Variants in BCAP29 observed in about 807,000 individuals in gnomAD.
BCAP29 encodes the protein B cell receptor associated protein 29.
A neutral mutation model predicts 31.8 loss-of-function variants in BCAP29; 34 were observed. That is an observed-to-expected ratio of 1.07 (90% CI 0.81 to 1.42). The LOEUF is 1.42. Ranked by LOEUF, BCAP29 falls within the 40% of genes most tolerant of loss-of-function variation. The pLI is 0.00. For synonymous variants in BCAP29, 104 were observed against 91.3 expected, an observed-to-expected ratio of 1.14 and a Z score of -0.79; for missense variants, 314 against 269.2, an observed-to-expected ratio of 1.17 and a Z score of -1.16.
intron 6 of BCAP29, among the ~76,000 whole-genome samples, chr7:107,612,391 T>TTTTTTATA (rs1430473654): frequency 9.7e-5 from 3 of 30,876 alleles, no homozygotes; most frequent in African/African-American, 3.8e-4. Flanking sequence ...ATGTATTGTT[T>TTTTTTATA]TATATATATA....
At chr7:107,588,976 G>A (rs1199097970) in intron 3 of BCAP29, among the ~76,000 whole-genome samples, 1 of 152,184 alleles carries the variant, frequency 6.6e-6, no homozygotes, top group Non-Finnish European at 1.5e-5. Context: ...GCCTCATCAC[G>A]TTAGAGGGGC....
intron 3 of BCAP29, among the ~76,000 whole-genome samples, chr7:107,592,631 G>A (rs1166488768): frequency 1.3e-5 from 2 of 152,168 alleles, no homozygotes; most frequent in African/African-American, 2.4e-5. Context: ...ACTTGCACAT[G>A]AATGTTCGTA....
chr7:107,605,632 C>T (rs115477370), intron 6 of BCAP29, among the ~76,000 whole-genome samples: 2,147 of 152,306 alleles, frequency 0.014, 51 homozygotes, highest in African/African-American at 0.05. Context: ...CGATGTGTCA[C>T]ACTAGGTGCA....
intron 3 of BCAP29, chr7:107,587,662 T>G (rs1337211689): frequency 2.0e-5 from 3 of 152,166 alleles, no homozygotes; most frequent in Non-Finnish European, 4.4e-5. Flanking sequence ...TTTAAGAGAC[T>G]ACTTTATATA....
At chr7:107,595,040 G>A (rs1809565010) in intron 4 of BCAP29, among the ~76,000 whole-genome samples, 1 of 151,950 alleles carries the variant, frequency 6.6e-6, no homozygotes, top group African/African-American at 2.4e-5. Flanking sequence ...TGAGTTCTGT[G>A]GTGTACCTAA....
downstream of BCAP29, chr7:107,622,487 T>C (rs1294879173): frequency 1.3e-5 from 2 of 152,832 alleles, no homozygotes; most frequent in Non-Finnish European, 2.9e-5. Context: ...CCAAATTCTT[T>C]CCCCTGTCAG....
chr7:107,606,166 T>C (rs2129273477), intron 6 of BCAP29, among the ~76,000 whole-genome samples: 3 of 152,350 alleles, frequency 2.0e-5, no homozygotes, highest in Middle Eastern at 6.8e-3. Context: ...AAGCTGTTCA[T>C]ATAGCTTTTG....
intron 6 of BCAP29, among the ~76,000 whole-genome samples, chr7:107,611,654 G>T (rs1248561082): frequency 6.6e-6 from 1 of 152,194 alleles, no homozygotes; most frequent in Middle Eastern, 3.2e-3. Flanking sequence ...TCTTTATGTT[G>T]TGAAGGTGGT....
chr7:107,610,340 G>A (rs1812896615), intron 6 of BCAP29, among the ~76,000 whole-genome samples: 1 of 152,184 alleles, frequency 6.6e-6, no homozygotes, highest in African/African-American at 2.4e-5. Flanking sequence ...TAGCAACTTA[G>A]ATGTATCATC....
chr7:107,591,741 C>T (rs1475260131), intron 3 of BCAP29, among the ~76,000 whole-genome samples: 1 of 150,240 alleles, frequency 6.7e-6, no homozygotes, highest in Non-Finnish European at 1.5e-5. Context: ...GACAAACTAA[C>T]ATTACACAGC....
In BCAP29 at chr7:107,618,699, A is replaced by G. The variant is rs1814622048; in HGVS notation, c.*336A>G. 1.1e-6 allele frequency: 1 copy of G among 935,242 alleles called. No homozygotes were observed. The highest frequency in any genetic ancestry group is 1.6e-6 in the Non-Finnish European group (1 of 632,920). The allele number at this position is 935,242 out of a possible 1,614,324, so 57.9% of individuals were successfully genotyped here. A position where few individuals can be genotyped will look rare whatever the true frequency, so the allele number is the denominator to read the frequency against. Reference sequence around the variant, plus strand: ...AATTAGAAGTTTTAAGTTGCATGAAACCATTAATAGCCTTGAAAGCTTTGA... The same window carrying G: ...AATTAGAAGTTTTAAGTTGCATGAAGCCATTAATAGCCTTGAAAGCTTTGA... On this transcript the variant is annotated 3_prime_UTR_variant, in exon 8 of 8. Transcript: ENST00000005259.
rs746212320 is a variant in BCAP29, at chr7:107,580,842, C to T, written c.70C>T (p.Leu24=). Residue 24 remains leucine, a synonymous_variant, in exon 2 of 8, where the codon CTA becomes TTA. Coordinates refer to ENST00000005259, the MANE Select transcript of BCAP29 (RefSeq NM_018844.4). ...AATAGGACTCATTTTAATCTTCTGC[C>T]TACCTTTTATTCCTCCTCAGAGGTA... ...AEIGLILIFC[L]PFIPPQRWQK... 1.3e-6 allele frequency: 2 copies of T among 1,590,436 alleles called. No individual in the cohort carries two copies. The highest frequency in any genetic ancestry group is 2.3e-5 in the South Asian group (2 of 87,758).
chr7:107,612,393 A>ATT (rs1813298075), intron 6 of BCAP29, among the ~76,000 whole-genome samples: 1 of 8,158 alleles, frequency 1.2e-4, no homozygotes, highest in African/African-American at 4.7e-4. Context: ...GTATTGTTTT[A>ATT]TATATATATA....
intron 5 of BCAP29, among the ~76,000 whole-genome samples, chr7:107,597,455 G>A (rs914440506): frequency 6.6e-6 from 1 of 152,170 alleles, no homozygotes; most frequent in African/African-American, 2.4e-5. Context: ...TTAGGTGCTA[G>A]TTCCAACATG....
At chr7:107,593,589 G>A (rs1809269284) in intron 3 of BCAP29, among the ~76,000 whole-genome samples, 1 of 152,178 alleles carries the variant, frequency 6.6e-6, no homozygotes, top group Non-Finnish European at 1.5e-5. Flanking sequence ...GGAATTGATT[G>A]TAATGGGATA....
chr7:107,598,478 G>A (rs1016589831), intron 5 of BCAP29, among the ~76,000 whole-genome samples: 1 of 151,938 alleles, frequency 6.6e-6, no homozygotes, highest in African/African-American at 2.4e-5. Context: ...TCTCTATATA[G>A]CACAGTAGTA....
At chr7:107,622,154 C>T, downstream of BCAP29, 1 of 336,242 alleles carries the variant, frequency 3.0e-6, no homozygotes, top group Non-Finnish European at 5.9e-6. Context: ...TGACGACCTC[C>T]TCATCTCCCT....
chr7:107,621,313 A>G (rs1483997243), downstream of BCAP29: 1 of 191,546 alleles, frequency 5.2e-6, no homozygotes, highest in Non-Finnish European at 1.1e-5. Context: ...AATCTTGGAA[A>G]TCCACTTATG....
At chr7:107,607,722 C>T (rs1437170709) in intron 6 of BCAP29, among the ~76,000 whole-genome samples, 2 of 151,084 alleles carry the variant, frequency 1.3e-5, no homozygotes, top group East Asian at 1.9e-4. Context: ...CTGCAACCTC[C>T]GCCCCCCAGG....
Sources: gnomAD v4.1 joint callset for allele counts (sites outside exome capture counted in the v4.1 genomes callset) on GRCh38, gnomAD v4.1.1 for gene constraint, MANE v1.5 for transcripts, NCBI Gene and HGNC (gene_info 2026-07-23, HGNC 2026-07-21) for gene names.